The following MLLT10 variants were observed in gnomAD, a reference collection of about 807,000 sequenced individuals.
MLLT10 encodes MLLT10 histone lysine methyltransferase DOT1L cofactor.
MLLT10 carries 30 observed loss-of-function variants against 129.1 expected under a neutral mutation model. That is an observed-to-expected ratio of 0.23 (90% CI 0.17 to 0.32). The LOEUF is 0.32. Ranked by LOEUF, MLLT10 falls within the 10% of genes least tolerant of loss-of-function variation. The pLI is 1.00. For missense variants in MLLT10, 1,119 were observed against 1,268.3 expected, an observed-to-expected ratio of 0.88 and a Z score of 1.79; for synonymous variants, 490 against 446.4, an observed-to-expected ratio of 1.10 and a Z score of -1.23.
intron 11 of MLLT10, among the ~76,000 whole-genome samples, chr10:21,679,088 A>G (rs892500960): frequency 1.9e-4 from 29 of 152,216 alleles, no homozygotes; most frequent in Admixed American, 1.7e-3. Context: ...AAACACCTAT[A>G]AAATGTTTGA....
At chr10:21,558,538 C>T (rs76764519) in intron 3 of MLLT10, among the ~76,000 whole-genome samples, 4 of 143,416 alleles carry the variant, frequency 2.8e-5, no homozygotes, top group Non-Finnish European at 3.1e-5. Context: ...GTTTCTTCTT[C>T]TTTTTTTTTT....
rs1183028099 is a variant in MLLT10 at position 21,704,353 on chromosome 10, CTCTCTATATATA to C, written c.1700-9417_1700-9406del. On this transcript the variant is annotated intron_variant, in intron 13 of 22. Transcript: ENST00000307729. ...ATTCTCTCTCTCTCTCTCTCTCTCT[CTCTCTATATATA>C]TATATATATATATATATAATTATTA... Among the ~76,000 whole-genome samples, 73 of 64,522 alleles carry C rather than the reference CTCTCTATATATA, an allele frequency of 1.1e-3. No homozygotes were observed. In the East Asian group the frequency reaches 0.025, roughly 22 times the overall value. 42.3% of individuals were successfully genotyped at this position (64,522 alleles called of 152,430 possible).
In MLLT10 at chr10:21,620,927, C is replaced by T. The variant is rs1214567625; in HGVS notation, c.699+3720C>T. 2.6e-5 allele frequency among the ~76,000 whole-genome samples: 4 copies of T among 151,514 alleles called. No individual in the cohort carries two copies. The South Asian group carries it at 8.3e-4, about 32-fold the overall frequency. On this transcript the variant is annotated intron_variant, in intron 8 of 22. Coordinates refer to ENST00000307729, the MANE Select transcript of MLLT10 (RefSeq NM_001195626.3). The stretch of plus-strand genomic sequence containing the variant: ...CGAACTCCTGACCTCAGGTGATCCA[C>T]CCGCCTTGGCCTCCTAAAGTGCTGG...
chr10:21,660,213 C>T (rs923674961), intron 9 of MLLT10, among the ~76,000 whole-genome samples: 15 of 151,778 alleles, frequency 9.9e-5, no homozygotes, highest in African/African-American at 3.6e-4. Flanking sequence ...GCCATTTGCC[C>T]CCCCTTAACC....
intron 13 of MLLT10, among the ~76,000 whole-genome samples, chr10:21,709,007 A>G (rs1233710878): frequency 6.6e-6 from 1 of 152,184 alleles, no homozygotes; most frequent in Non-Finnish European, 1.5e-5. Context: ...TGTTTTATAG[A>G]TAAGAATAAT....
intron 14 of MLLT10, among the ~76,000 whole-genome samples, chr10:21,717,731 C>T (rs193013753): frequency 0.076 from 3,523 of 46,614 alleles, 263 homozygotes; most frequent in Non-Finnish European, 0.096. Flanking sequence ...CCTCCTCCTC[C>T]TCCTCTTCCT....
intron 4 of MLLT10, among the ~76,000 whole-genome samples, chr10:21,587,763 A>ATG (rs896310072): frequency 3.3e-5 from 5 of 152,156 alleles, no homozygotes; most frequent in African/African-American, 1.2e-4. Flanking sequence ...AGATATATAT[A>ATG]TTTTACAGTT....
Position 21,651,670 on chromosome 10 carries a change from T to A in MLLT10, c.700-3T>A. Reference sequence around the variant, plus strand: ...ATTGGATTTTACTTATATTCGTTTTTAGAAATATAAAGAGAAGGACAAACA... The same window carrying A: ...ATTGGATTTTACTTATATTCGTTTTAAGAAATATAAAGAGAAGGACAAACA... On this transcript the variant is annotated splice_polypyrimidine_tract_variant and splice_region_variant and intron_variant, in intron 8 of 22. Transcript: ENST00000307729. The A allele has an allele frequency of 6.2e-7, 1 of 1,607,206 alleles. No individual in the cohort carries two copies.
chr10:21,605,889 C>T (rs2044012310), intron 5 of MLLT10, among the ~76,000 whole-genome samples: 1 of 151,970 alleles, frequency 6.6e-6, no homozygotes, highest in Non-Finnish European at 1.5e-5. Flanking sequence ...TTTTATTGGG[C>T]TTCTTTTTAT....
intron 4 of MLLT10, among the ~76,000 whole-genome samples, chr10:21,588,059 C>T (rs1271471619): frequency 6.6e-6 from 1 of 151,872 alleles, no homozygotes; most frequent in Admixed American, 6.6e-5. Flanking sequence ...TGAGACTTTG[C>T]TTTTCTTTTT....
chr10:21,575,304 G>A (rs2040619449), intron 3 of MLLT10, among the ~76,000 whole-genome samples: 1 of 152,072 alleles, frequency 6.6e-6, no homozygotes, highest in African/African-American at 2.4e-5. Flanking sequence ...CGATTCTCCT[G>A]CCTCAGCTCA....
At chr10:21,599,887 A>G (rs2043359405) in intron 5 of MLLT10, among the ~76,000 whole-genome samples, 1 of 152,192 alleles carries the variant, frequency 6.6e-6, no homozygotes, top group African/African-American at 2.4e-5. Context: ...TTGTGGCTTT[A>G]AGACTAAAAT....
At chr10:21,661,713 T>A (rs1318558313) in intron 9 of MLLT10, 1 of 152,184 alleles carries the variant, frequency 6.6e-6, no homozygotes, top group East Asian at 1.9e-4. Context: ...TCATTCTAAT[T>A]TTTGTATGTG....
chr10:21,557,991 C>G (rs1035139843), intron 3 of MLLT10, among the ~76,000 whole-genome samples: 4 of 141,618 alleles, frequency 2.8e-5, no homozygotes, highest in Non-Finnish European at 6.0e-5. Context: ...GCTCTTTTGC[C>G]CAGGCTGGAG....
intron 3 of MLLT10, among the ~76,000 whole-genome samples, chr10:21,585,489 G>A (rs2131090925): frequency 6.6e-6 from 1 of 152,246 alleles, no homozygotes; most frequent in East Asian, 1.9e-4. Context: ...CCTTTCAGAA[G>A]GGAAATCAGC....
At chr10:21,570,219 TGTGTGTGTGTGTGTGTGCGCGC>T (rs1403085979) in intron 3 of MLLT10, among the ~76,000 whole-genome samples, 1 of 144,824 alleles carries the variant, frequency 6.9e-6, no homozygotes, top group African/African-American at 2.6e-5. Flanking sequence ...AATTTGTGTG[TGTGTGTGTGTGTGTGTGCGCGC>T]GTGTGTGTGT....
At chr10:21,538,795 C>T (rs201107641) in intron 2 of MLLT10, 38 bp from the exon 3 acceptor site, 18 of 1,487,214 alleles carry the variant, frequency 1.2e-5, no homozygotes, top group East Asian at 4.5e-5. Flanking sequence ...CATAGTTCTT[C>T]GAATCTTAAC....
intron 13 of MLLT10, among the ~76,000 whole-genome samples, chr10:21,693,426 C>G (rs189716034): frequency 1.3e-5 from 2 of 151,954 alleles, no homozygotes; most frequent in East Asian, 1.9e-4. Context: ...GTCACCATCT[C>G]TTATGTTTTC....
intron 5 of MLLT10, among the ~76,000 whole-genome samples, chr10:21,610,786 C>G (rs1014056390): frequency 6.6e-6 from 1 of 151,506 alleles, no homozygotes; most frequent in African/African-American, 2.4e-5. Context: ...TTTCAATGTG[C>G]TCTATTTTTA....
Sources: gnomAD v4.1 joint callset for allele counts (sites outside exome capture counted in the v4.1 genomes callset) on GRCh38, gnomAD v4.1.1 for gene constraint, MANE v1.5 for transcripts, NCBI Gene and HGNC (gene_info 2026-07-23, HGNC 2026-07-21) for gene names.